Variants in MAGI2 observed in about 807,000 individuals in gnomAD.
MAGI2 encodes membrane associated guanylate kinase, WW and PDZ domain containing 2, also known as membrane-associated guanylate kinase, WW and PDZ domain-containing protein 2.
In MAGI2, 35 loss-of-function variants were observed where a neutral mutation model predicts 133.3. That is an observed-to-expected ratio of 0.26 (90% confidence interval 0.20 to 0.35). MAGI2 has a LOEUF of 0.35. MAGI2 is among the 10% of genes least tolerant of loss of function. MAGI2 has a pLI of 1.00. For synonymous variants in MAGI2, 729 were observed against 710.6 expected, an observed-to-expected ratio of 1.03 and a Z score of -0.41; for missense variants, 1,636 against 1,863.4, an observed-to-expected ratio of 0.88 and a Z score of 2.25.
chr7:78,665,052 A>C (rs983069181), intron 2 of MAGI2, among the ~76,000 whole-genome samples: 1 of 152,058 alleles, frequency 6.6e-6, no homozygotes, highest in African/African-American at 2.4e-5. Context: ...TACTTTACTT[A>C]ATCATTTGGT....
At chr7:78,099,010 C>T (rs982778412) in intron 20 of MAGI2, among the ~76,000 whole-genome samples, 2 of 151,980 alleles carry the variant, frequency 1.3e-5, no homozygotes, top group East Asian at 1.9e-4. Context: ...TCTTTATCCC[C>T]ATTTTCAAAT....
At chr7:78,748,166 A>C (rs1050857138) in intron 2 of MAGI2, among the ~76,000 whole-genome samples, 1 of 152,114 alleles carries the variant, frequency 6.6e-6, no homozygotes, top group Non-Finnish European at 1.5e-5. Flanking sequence ...TTTAAAAAAA[A>C]AAAAAACTTT....
chr7:79,124,618 A>G (rs1362075461), intron 1 of MAGI2: 1 of 152,602 alleles, frequency 6.6e-6, no homozygotes, highest in Admixed American at 6.5e-5. Flanking sequence ...ACTGTCCCAG[A>G]TATTATGCCT....
intron 16 of MAGI2, among the ~76,000 whole-genome samples, chr7:78,138,369 G>A (rs1404719866): frequency 2.0e-5 from 3 of 152,158 alleles, no homozygotes; most frequent in South Asian, 2.1e-4. Context: ...AAGAGAAGAG[G>A]AGAGGAAATT....
intron 3 of MAGI2, among the ~76,000 whole-genome samples, chr7:78,597,870 TTC>T (rs199955939): frequency 0.48 from 70,716 of 148,726 alleles, 17,895 homozygotes; most frequent in African/African-American, 0.68. Flanking sequence ...GTTTTTTTTT[TTC>T]CCCATAGAGT....
chr7:79,085,258 T>G (rs1014520152), intron 1 of MAGI2, among the ~76,000 whole-genome samples: 1 of 151,908 alleles, frequency 6.6e-6, no homozygotes, highest in Non-Finnish European at 1.5e-5. Flanking sequence ...AATCTGCTAC[T>G]GAGCCCCTCT....
intron 21 of MAGI2, among the ~76,000 whole-genome samples, chr7:78,062,814 G>C (rs3807761): frequency 2.0e-5 from 3 of 152,090 alleles, no homozygotes; most frequent in Non-Finnish European, 4.4e-5. Context: ...AGCTCAGTAA[G>C]TCCAAAATTC....
chr7:78,274,943 G>A (rs1168859962), intron 9 of MAGI2, among the ~76,000 whole-genome samples: 1 of 152,080 alleles, frequency 6.6e-6, no homozygotes, highest in Non-Finnish European at 1.5e-5. Flanking sequence ...TTCCTTTCCA[G>A]GGGAGTGAAT....
chr7:78,716,480 T>C (rs550442164), intron 2 of MAGI2, among the ~76,000 whole-genome samples: 130 of 152,070 alleles, frequency 8.5e-4, no homozygotes, highest in Middle Eastern at 3.4e-3. Flanking sequence ...TGGCAATTAG[T>C]GGGTGGTGGG....
At chr7:79,127,737 C>T (rs1187947992) in intron 1 of MAGI2, among the ~76,000 whole-genome samples, 1 of 152,142 alleles carries the variant, frequency 6.6e-6, no homozygotes. Context: ...AATTTTCTCC[C>T]ATTCTGTAGG....
rs377643204 is a variant in MAGI2 at position 79,024,482 on chromosome 7, T to C, written c.302-17276A>G. On this transcript the variant is annotated intron_variant, in intron 1 of 21. Transcript: ENST00000354212. ...TGCAACAAAAACAAAAATTGACAAA[T>C]ACAACTTAATTAAACCAAAGAGCTT... Among the ~76,000 whole-genome samples, 31 of 151,454 alleles carry C rather than the reference T, an allele frequency of 2.0e-4. No individual in the cohort carries two copies. In the South Asian group the frequency reaches 5.8e-3, roughly 29 times the overall value.
At chr7:78,241,336 A>G (rs1791113267) in intron 10 of MAGI2, among the ~76,000 whole-genome samples, 1 of 152,198 alleles carries the variant, frequency 6.6e-6, no homozygotes, top group Non-Finnish European at 1.5e-5. Context: ...CAAGATTCCC[A>G]GAATTCTGTC....
intron 21 of MAGI2, among the ~76,000 whole-genome samples, chr7:78,046,860 A>G (rs1811488115): frequency 6.6e-6 from 1 of 152,264 alleles, no homozygotes. Context: ...TTGAGATGGT[A>G]TCATAAGTAT....
intron 7 of MAGI2, among the ~76,000 whole-genome samples, chr7:78,357,479 T>G (rs1008639484): frequency 6.6e-6 from 1 of 152,188 alleles, no homozygotes; most frequent in Non-Finnish European, 1.5e-5. Context: ...AGACAATCAT[T>G]CCTGTCATTT....
At chr7:78,299,011 T>A (rs1478159788) in intron 9 of MAGI2, among the ~76,000 whole-genome samples, 1 of 150,954 alleles carries the variant, frequency 6.6e-6, no homozygotes, top group African/African-American at 2.4e-5. Flanking sequence ...CAGACAGGGT[T>A]TCTCTGTGTT....
At chr7:79,147,064 C>T (rs540040149) in intron 1 of MAGI2, among the ~76,000 whole-genome samples, 1 of 152,330 alleles carries the variant, frequency 6.6e-6, no homozygotes, top group Admixed American at 6.5e-5. Flanking sequence ...AGTTACTACC[C>T]ATCATGGGGT....
intron 1 of MAGI2, among the ~76,000 whole-genome samples, chr7:79,167,257 A>T (rs1470255913): frequency 4.0e-5 from 6 of 151,864 alleles, no homozygotes; most frequent in African/African-American, 1.5e-4. Context: ...ATTCACATCC[A>T]TCTAATTCCA....
At chr7:78,089,665 GA>G (rs1203316921) in intron 20 of MAGI2, among the ~76,000 whole-genome samples, 1 of 152,170 alleles carries the variant, frequency 6.6e-6, no homozygotes, top group East Asian at 1.9e-4. Flanking sequence ...AATTGCCTAA[GA>G]TGTCAGAGTT....
chr7:79,066,575 G>A (rs1041473725), intron 1 of MAGI2, among the ~76,000 whole-genome samples: 1 of 151,944 alleles, frequency 6.6e-6, no homozygotes, highest in Non-Finnish European at 1.5e-5. Context: ...TCACTCTGAT[G>A]GTAGTTTCTT....
Sources: allele counts gnomAD v4.1 joint callset (sites outside exome capture counted in the v4.1 genomes callset), GRCh38; gene constraint gnomAD v4.1.1; transcripts MANE v1.5; gene names NCBI Gene and HGNC (gene_info 2026-07-23, HGNC 2026-07-21).